The following TBCK variants were observed in gnomAD, a reference collection of about 807,000 sequenced individuals.
TBCK encodes TBC domain-containing protein kinase-like protein.
TBCK carries 99 observed loss-of-function variants against 113.4 expected under a neutral mutation model. That is an observed-to-expected ratio of 0.87 (90% CI 0.74 to 1.03). TBCK has a LOEUF of 1.03. Ranked by LOEUF, TBCK falls within the 50% of genes least tolerant of loss-of-function variation. TBCK has a pLI of 0.00. For synonymous variants in TBCK, 369 were observed against 370.8 expected (o/e 1.00, Z 0.05); for missense variants, 1,045 against 1,061.3 (o/e 0.98, Z 0.21).
chr4:106,047,902 T>C (rs2149440625), intron 25 of TBCK, among the ~76,000 whole-genome samples: 1 of 152,294 alleles, frequency 6.6e-6, no homozygotes, highest in Non-Finnish European at 1.5e-5. Flanking sequence ...TCAATTACTG[T>C]CTCTACTAAA....
At chr4:106,274,387 G>T (rs992782031) in intron 3 of TBCK, among the ~76,000 whole-genome samples, 5 of 152,054 alleles carry the variant, frequency 3.3e-5, no homozygotes, top group Non-Finnish European at 7.4e-5. Flanking sequence ...GAATGTTCAT[G>T]GCAAAATTAG....
At position 106,167,166 on chromosome 4, in the gene TBCK, GTATATATAGAACTGTATATA is replaced by G. The variant is rs918734512; in HGVS notation, c.2235+3909_2235+3928del. On this transcript the variant is annotated intron_variant, in intron 23 of 25. Transcript: ENST00000394708. ...GAGAGAGAACTATATATATAGAACT[GTATATATAGAACTGTATATA>G]TATATATAGAACTGTATATATATAT... Among the ~76,000 whole-genome samples, 10 of 144,998 alleles carry G rather than the reference GTATATATAGAACTGTATATA, an allele frequency of 6.9e-5. No homozygotes were observed. The East Asian group carries it at 1.2e-3, about 17-fold the overall frequency.
Position 106,190,826 on chromosome 4 carries a change from C to T in TBCK, c.2059+2783G>A, listed in dbSNP as rs145690596. Among the ~76,000 whole-genome samples the T allele has an allele frequency of 6.0e-3, 911 of 152,144 alleles. 10 individuals are homozygous for T. The highest frequency in any genetic ancestry group is 0.02 in the African/African-American group (845 of 41,528). ...CGCCATGTCGGCTCACTGCAAGCTC[C>T]GCCTCCTGGGTTCATGCCATTCTCC... On this transcript the variant is annotated intron_variant, in intron 22 of 25. Transcript: ENST00000394708.
chr4:106,238,575 G>A (rs1213678917), intron 12 of TBCK: 8 of 152,070 alleles, frequency 5.3e-5, no homozygotes, highest in African/African-American at 1.9e-4. Context: ...TGCTGGCTTA[G>A]ACAGAAAACA....
intron 3 of TBCK, among the ~76,000 whole-genome samples, chr4:106,284,763 T>C (rs1295413483): frequency 6.6e-6 from 1 of 152,108 alleles, no homozygotes; most frequent in Non-Finnish European, 1.5e-5. Context: ...ATACAGCACC[T>C]AGACTTAAAA....
chr4:106,191,795 A>G (rs1289655250), intron 22 of TBCK, among the ~76,000 whole-genome samples: 2 of 152,226 alleles, frequency 1.3e-5, no homozygotes, highest in African/African-American at 4.8e-5. Flanking sequence ...ACCAGCTGAC[A>G]CTACATCAAC....
chr4:106,120,707 C>T (rs1357947805), intron 23 of TBCK, among the ~76,000 whole-genome samples: 2 of 152,220 alleles, frequency 1.3e-5, no homozygotes, highest in African/African-American at 4.8e-5. Context: ...CAGGGGCACA[C>T]TGACACCTCA....
intron 2 of TBCK, among the ~76,000 whole-genome samples, chr4:106,308,089 TATAG>T (rs1767728512): frequency 6.6e-6 from 1 of 152,200 alleles, no homozygotes; most frequent in Non-Finnish European, 1.5e-5. Context: ...ATTTCCTTCA[TATAG>T]ATAAAGAAAT....
At chr4:106,216,131 A>C (rs1265377035) in intron 19 of TBCK, among the ~76,000 whole-genome samples, 2 of 152,156 alleles carry the variant, frequency 1.3e-5, no homozygotes, top group African/African-American at 4.8e-5. Flanking sequence ...GTACGTAACG[A>C]AATGAAGGCA....
chr4:106,116,417 T>C, intron 23 of TBCK, 39 bp from the exon 24 acceptor site: 2 of 1,539,014 alleles, frequency 1.3e-6, no homozygotes, highest in South Asian at 1.2e-5. Context: ...ATTGAGAATA[T>C]TATAGAAAAA....
chr4:106,047,729 G>A (rs1734371454), intron 25 of TBCK, among the ~76,000 whole-genome samples: 1 of 152,074 alleles, frequency 6.6e-6, no homozygotes, highest in Non-Finnish European at 1.5e-5. Flanking sequence ...CTCAATATAT[G>A]TTTGCTGGAT....
At chr4:106,231,867 C>A in intron 17 of TBCK, 88 bp from the exon 18 acceptor site, 1 of 1,143,282 alleles carries the variant, frequency 8.7e-7, no homozygotes, top group Non-Finnish European at 1.3e-6. Context: ...CTTTGCATTA[C>A]CTCCAAGTAG....
intron 25 of TBCK, among the ~76,000 whole-genome samples, chr4:106,068,838 C>G (rs1473776359): frequency 6.6e-6 from 1 of 152,182 alleles, no homozygotes; most frequent in Non-Finnish European, 1.5e-5. Context: ...GATCGCCATT[C>G]TAACTGGTGT....
chr4:106,152,975 G>T (rs1274867991), intron 23 of TBCK, among the ~76,000 whole-genome samples: 1 of 151,778 alleles, frequency 6.6e-6, no homozygotes, highest in Admixed American at 6.6e-5. Flanking sequence ...GGTTAGTCTG[G>T]CTAAACATTT....
intron 19 of TBCK, among the ~76,000 whole-genome samples, chr4:106,214,465 G>GA (rs1197325508): frequency 6.6e-6 from 1 of 150,806 alleles, no homozygotes; most frequent in Non-Finnish European, 1.5e-5. Flanking sequence ...TGAAAACTTT[G>GA]AAAAAAATTT....
intron 3 of TBCK, among the ~76,000 whole-genome samples, chr4:106,265,294 G>A (rs892807099): frequency 6.6e-6 from 1 of 151,878 alleles, no homozygotes; most frequent in African/African-American, 2.4e-5. Context: ...TGAGGTACAT[G>A]AGTTTTGATA....
In TBCK at chr4:106,116,309, T is replaced by C. The variant is rs2149570252; in HGVS notation, c.2305A>G (p.Ile769Val). The C allele has an allele frequency of 6.2e-7, 1 of 1,613,822 alleles. No homozygotes were observed. ...VSPRISAEDLIDLCELTVTGH... is the reference protein window; with the variant it reads ...VSPRISAEDLVDLCELTVTGH... ...GTCACTGTGAGCTCACACAAGTCAA[T>C]CAGGTCCTCTGCTGAAATCCGTGGT... Residue 769 changes from isoleucine (I) to valine (V), a missense_variant, in exon 24 of 26, where the codon ATT becomes GTT. Physicochemically the swap from Ile to Val is conservative, Grantham distance 29 (BLOSUM62 3). Coordinates refer to ENST00000394708, the MANE Select transcript of TBCK (RefSeq NM_001163435.3).
intron 12 of TBCK, among the ~76,000 whole-genome samples, chr4:106,239,160 A>T (rs1023443308): frequency 6.6e-6 from 1 of 152,082 alleles, no homozygotes; most frequent in African/African-American, 2.4e-5. Context: ...CAACTTGGGA[A>T]GGAAATATTC....
chr4:106,231,156 T>C (rs1218340498), intron 18 of TBCK, among the ~76,000 whole-genome samples: 1 of 151,614 alleles, frequency 6.6e-6, no homozygotes, highest in Non-Finnish European at 1.5e-5. Flanking sequence ...ATTTCAGGGA[T>C]TGGAGTTAAT....
Sources: gnomAD v4.1 joint callset for allele counts (sites outside exome capture counted in the v4.1 genomes callset) on GRCh38, gnomAD v4.1.1 for gene constraint, MANE v1.5 for transcripts, NCBI Gene and HGNC (gene_info 2026-07-23, HGNC 2026-07-21) for gene names.